The following EHMT1 variants were observed in gnomAD, a reference collection of about 807,000 sequenced individuals.
The protein encoded by EHMT1 is euchromatic histone lysine methyltransferase 1.
A neutral mutation model predicts 147.2 loss-of-function variants in EHMT1; 15 were observed. The observed-to-expected ratio is 0.10, with a 90% CI of 0.07 to 0.16. The LOEUF (loss-of-function observed/expected upper bound fraction) is 0.16, where lower values mean the gene tolerates loss of function less well. Among genes scored for constraint, EHMT1 ranks in the 10% least tolerant of loss-of-function variants. The pLI, the probability that EHMT1 is intolerant of heterozygous loss-of-function variation, is 1.00. For missense variants in EHMT1, 1,587 were observed against 1,772.4 expected, an observed-to-expected ratio of 0.90 and a Z score of 1.88; for synonymous variants, 795 against 709.6, an observed-to-expected ratio of 1.12 and a Z score of -1.91.
At chr9:137,680,328 C>G (rs1240359910) in intron 1 of EHMT1, among the ~76,000 whole-genome samples, 4 of 152,028 alleles carry the variant, frequency 2.6e-5, no homozygotes, top group African/African-American at 9.7e-5. Context: ...ACAAATTTAG[C>G]CAGGTGTGGT....
intron 1 of EHMT1, among the ~76,000 whole-genome samples, chr9:137,661,782 C>G (rs967530386): frequency 6.6e-6 from 1 of 151,966 alleles, no homozygotes; most frequent in African/African-American, 2.4e-5. Context: ...GGCTGTTTTT[C>G]TACATCTTTA....
chr9:137,711,782 A>G (rs1944751276), intron 2 of EHMT1, among the ~76,000 whole-genome samples: 1 of 152,184 alleles, frequency 6.6e-6, no homozygotes, highest in Non-Finnish European at 1.5e-5. Context: ...GCTGTGCTCC[A>G]CAGTGAAGGG....
chr9:137,778,720 C>CT (rs1457711495), intron 13 of EHMT1, among the ~76,000 whole-genome samples: 3 of 152,244 alleles, frequency 2.0e-5, no homozygotes, highest in Admixed American at 6.5e-5. Context: ...ACCCCACTCT[C>CT]TCCCCCATCC....
intron 10 of EHMT1, among the ~76,000 whole-genome samples, chr9:137,767,194 G>A (rs191298114): frequency 3.5e-4 from 54 of 152,214 alleles, no homozygotes; most frequent in African/African-American, 1.2e-3. Context: ...GGCAGAGCTC[G>A]GTGCAGATTC....
rs530413222 is a variant in EHMT1, at chr9:137,783,609, C to T, written c.2382+1212C>T. On this transcript the variant is annotated intron_variant, in intron 15 of 26. Coordinates refer to ENST00000460843, the MANE Select transcript of EHMT1 (RefSeq NM_024757.5). ...AAAGCTGGTGGTAGCTCTTGCTTGCCGGGGGCTTGTCAGCTGTAGGGTGAT... is the reference window on the plus strand; with the variant it reads ...AAAGCTGGTGGTAGCTCTTGCTTGCTGGGGGCTTGTCAGCTGTAGGGTGAT... Among the ~76,000 whole-genome samples, 9 of 152,316 alleles carry T rather than the reference C, an allele frequency of 5.9e-5. No individual in the cohort carries two copies. In the East Asian group the frequency reaches 1.5e-3, roughly 26 times the overall value.
chr9:137,719,331 G>C (rs929009296), intron 3 of EHMT1, among the ~76,000 whole-genome samples: 5 of 152,150 alleles, frequency 3.3e-5, no homozygotes, highest in Non-Finnish European at 7.3e-5. Flanking sequence ...ACCACAGTGG[G>C]TGGTGGGCAC....
chr9:137,698,006 G>A (rs970880884), intron 1 of EHMT1, among the ~76,000 whole-genome samples: 4 of 150,470 alleles, frequency 2.7e-5, no homozygotes, highest in African/African-American at 9.9e-5. Context: ...GTGTGAGGGC[G>A]GTGTGGCTCG....
chr9:137,728,606 T>C, intron 4 of EHMT1, 77 bp downstream of exon 4: 3 of 1,597,302 alleles, frequency 1.9e-6, no homozygotes, highest in Non-Finnish European at 2.6e-6. Flanking sequence ...GAGAGTTCTG[T>C]TTGGCTGTAA....
chr9:137,728,278 T>A, intron 3 of EHMT1, 71 bp from the exon 4 acceptor site: 6 of 1,596,988 alleles, frequency 3.8e-6, no homozygotes, highest in Non-Finnish European at 5.1e-6. Context: ...AGAACTGTGA[T>A]TTTGGTTGCA....
intron 2 of EHMT1, among the ~76,000 whole-genome samples, chr9:137,712,945 A>G (rs1310656196): frequency 2.6e-5 from 4 of 151,952 alleles, no homozygotes; most frequent in South Asian, 2.1e-4. Context: ...TTTTGAGTTA[A>G]TTTTTGTATA....
intron 22 of EHMT1, chr9:137,815,631 C>G: frequency 2.4e-6 from 1 of 412,546 alleles, no homozygotes; most frequent in Non-Finnish European, 4.6e-6. Context: ...AACCCAGGAG[C>G]TGGCAGCCTC....
At chr9:137,682,450 A>G (rs2134586436) in intron 1 of EHMT1, among the ~76,000 whole-genome samples, 1 of 152,242 alleles carries the variant, frequency 6.6e-6, no homozygotes, top group Admixed American at 6.5e-5. Flanking sequence ...GAGAACTTTT[A>G]TCTTTCTCAA....
intron 10 of EHMT1, chr9:137,764,871 C>T (rs1181822803): frequency 6.6e-6 from 1 of 152,142 alleles, no homozygotes; most frequent in East Asian, 1.9e-4. Flanking sequence ...ATCTGGATTC[C>T]AGATTCTGGA....
intron 13 of EHMT1, 21 bp downstream of exon 13, chr9:137,778,076 T>C (rs1951094120): frequency 6.2e-7 from 1 of 1,613,628 alleles, no homozygotes; most frequent in South Asian, 1.1e-5. Flanking sequence ...ACATGTGATT[T>C]CAGAGATGTC....
At chr9:137,790,387 T>C (rs1952434089) in intron 15 of EHMT1, among the ~76,000 whole-genome samples, 1 of 152,306 alleles carries the variant, frequency 6.6e-6, no homozygotes, top group South Asian at 2.1e-4. Flanking sequence ...ATGGAAACTG[T>C]TCCGGAATGC....
At chr9:137,692,187 G>T (rs1332625969) in intron 1 of EHMT1, among the ~76,000 whole-genome samples, 2 of 152,098 alleles carry the variant, frequency 1.3e-5, no homozygotes, top group East Asian at 3.9e-4. Flanking sequence ...GAACGTTTAC[G>T]TGCACCTGTG....
chr9:137,834,917 C>G lies in EHMT1; in HGVS notation c.3861C>G (p.Pro1287=), dbSNP rs778272171. 4 of 1,581,062 alleles carry G rather than the reference C, an allele frequency of 2.5e-6. No homozygotes were observed. The Admixed American group carries it at 7.2e-5, about 29-fold the overall frequency. The change falls in exon 27 of 27, where the codon CCC becomes CCG. Residue 1287 remains proline, a synonymous_variant. Transcript: ENST00000460843. ...AAQEAQEDGL[P]DTSSAAAADP... ...AGGAGGCCCAGGAGGACGGCTTGCCCGACACCAGCTCCGCGGCTGCCGCCG... is the reference window on the plus strand; with the variant it reads ...AGGAGGCCCAGGAGGACGGCTTGCCGGACACCAGCTCCGCGGCTGCCGCCG...
intron 15 of EHMT1, chr9:137,784,682 A>AG (rs1564755544): frequency 6.5e-6 from 1 of 154,748 alleles, no homozygotes; most frequent in Non-Finnish European, 1.4e-5. Flanking sequence ...AAGCCCTGGC[A>AG]GGGGGGTGAG....
At chr9:137,635,726 A>G (rs886998205) in intron 1 of EHMT1, among the ~76,000 whole-genome samples, 5 of 150,596 alleles carry the variant, frequency 3.3e-5, no homozygotes, top group Non-Finnish European at 4.4e-5. Flanking sequence ...AGGCTGAGGC[A>G]GGAGAATGGC....
Sources: allele counts gnomAD v4.1 joint callset (sites outside exome capture counted in the v4.1 genomes callset), GRCh38; gene constraint gnomAD v4.1.1; transcripts MANE v1.5; gene names NCBI Gene and HGNC (gene_info 2026-07-23, HGNC 2026-07-21).